Variants in FBLN1 observed in about 807,000 individuals in gnomAD.
FBLN1 encodes the protein fibulin-1.
In FBLN1, 34 loss-of-function variants were observed where a neutral mutation model predicts 89.7. The ratio of observed to expected loss-of-function variants is 0.38; its 90% CI spans 0.29 to 0.50. FBLN1 has a LOEUF of 0.50. Among genes scored for constraint, FBLN1 ranks in the 20% least tolerant of loss-of-function variants. The pLI is 0.92. For missense variants in FBLN1, 777 were observed against 988.1 expected (o/e 0.79, Z 2.86); for synonymous variants, 393 against 391.3 (o/e 1.00, Z -0.05).
Position 45,575,980 on chromosome 22 carries a change from G to A in FBLN1, c.1841-997G>A, listed in dbSNP as rs2088993603. On this transcript the variant is annotated intron_variant, in intron 15 of 16. Transcript: ENST00000327858. This position sits in a 1 kb window ranked among gnomAD's most constrained non-coding sequence, Gnocchi z 6.3. ...GGGGTCCTCCCACCCTCTCAGGGGA[G>A]GCATGCAACGGAGCCAGCCGCGAGG... 6.6e-6 allele frequency among the ~76,000 whole-genome samples: 1 copy of A among 152,174 alleles called. No homozygotes were observed. Among genetic ancestry groups the A allele is most frequent in the Non-Finnish European group, 1.5e-5 (1 of 68,012 alleles).
At position 45,564,264 on chromosome 22, in the gene FBLN1, G is replaced by A. The variant is rs566644955; in HGVS notation, c.1698-10247G>A. On this transcript the variant is annotated intron_variant, in intron 14 of 16. Transcript: ENST00000327858. ...TCTGTCCCCCTCTGCTGCTCCCAGC[G>A]TCCATTCACCTCCCCTACAGCTCAT... is the stretch of plus-strand genomic sequence containing the variant. Among the ~76,000 whole-genome samples, 22 of 152,282 alleles carry A rather than the reference G, an allele frequency of 1.4e-4. No individual in the cohort carries two copies. In the South Asian group the frequency reaches 3.3e-3, roughly 23 times the overall value.
chr22:45,596,886 TTA>T (rs1264421837), intron 16 of FBLN1, among the ~76,000 whole-genome samples: 2 of 148,278 alleles, frequency 1.3e-5, no homozygotes, highest in Non-Finnish European at 3.0e-5. Context: ...TAAAATACAG[TTA>T]TATAAATTTG....
At chr22:45,587,593 C>A (rs137894321) in intron 16 of FBLN1, among the ~76,000 whole-genome samples, 1 of 152,176 alleles carries the variant, frequency 6.6e-6, no homozygotes, top group African/African-American at 2.4e-5. Context: ...GGGGGCCCAG[C>A]GCTCAGGGAT....
At chr22:45,565,391 C>A in intron 14 of FBLN1, 1 of 825,598 alleles carries the variant, frequency 1.2e-6, no homozygotes, top group Non-Finnish European at 1.6e-6. Flanking sequence ...GGGAGGCTTG[C>A]CCTTCCCTGA....
intron 1 of FBLN1, among the ~76,000 whole-genome samples, chr22:45,505,426 G>A (rs949346836): frequency 6.6e-6 from 1 of 152,238 alleles, no homozygotes; most frequent in Non-Finnish European, 1.5e-5. Context: ...GAGACTCTGT[G>A]CCATGGGGGT....
Position 45,600,644 on chromosome 22 carries a change from C to T in FBLN1, c.*198C>T, listed in dbSNP as rs1196547254. ...GGTGTTTAAAAAATGAGCCCAGTTG[C>T]TCAACTGTTTGGTTGAAAACCTTGC... On this transcript the variant is annotated 3_prime_UTR_variant, in exon 17 of 17. Transcript: ENST00000327858. 1.5e-6 allele frequency: 1 copy of T among 669,284 alleles called. No homozygotes were observed. Among genetic ancestry groups the T allele is most frequent in the East Asian group, 2.8e-5 (1 of 35,910 alleles). The allele number at this position is 669,284 out of a possible 1,614,324, so 41.5% of individuals were successfully genotyped here. A position where few individuals can be genotyped will look rare whatever the true frequency, so the allele number is the denominator to read the frequency against.
chr22:45,546,997 G>C, intron 11 of FBLN1, 88 bp from the exon 12 acceptor site: 8 of 1,595,540 alleles, frequency 5.0e-6, no homozygotes, highest in Non-Finnish European at 6.9e-6. Context: ...GAGGTGGAGA[G>C]GAGATTTTCT....
intron 14 of FBLN1, among the ~76,000 whole-genome samples, chr22:45,564,040 G>A (rs1419871672): frequency 6.6e-6 from 1 of 152,200 alleles, no homozygotes; most frequent in Non-Finnish European, 1.5e-5. Flanking sequence ...CCTTACACCA[G>A]TCCTGCCAGG....
At chr22:45,517,174 T>C (rs1666097091) in intron 1 of FBLN1, among the ~76,000 whole-genome samples, 1 of 152,196 alleles carries the variant, frequency 6.6e-6, no homozygotes, top group African/African-American at 2.4e-5. Context: ...CAGTTGTGTG[T>C]GCGGAAACGC....
intron 1 of FBLN1, among the ~76,000 whole-genome samples, chr22:45,509,585 A>G (rs2088070728): frequency 6.6e-6 from 1 of 152,216 alleles, no homozygotes; most frequent in African/African-American, 2.4e-5. Context: ...ATGCAGGGAC[A>G]TAGGCCAATC....
intron 10 of FBLN1, among the ~76,000 whole-genome samples, chr22:45,543,087 C>T (rs184792729): frequency 4.6e-5 from 7 of 152,218 alleles, no homozygotes; most frequent in Non-Finnish European, 8.8e-5. Flanking sequence ...GCCAACATGA[C>T]GAAACCTCAT....
Position 45,575,626 on chromosome 22 carries a change from C to CCAGT in FBLN1, c.1840+978_1840+981dup, listed in dbSNP as rs918162703. On this transcript the variant is annotated intron_variant, in intron 15 of 16. Transcript: ENST00000327858. This position sits in a 1 kb window ranked among gnomAD's most constrained non-coding sequence, Gnocchi z 6.3. The stretch of plus-strand genomic sequence containing the variant: ...GGGGAGCAGGAAGCTCAGGTGTAAC[C>CCAGT]CAGTCAGTGCTCCCACACCCCAGCC... Among the ~76,000 whole-genome samples, 2 of 152,094 alleles carry CCAGT rather than the reference C, an allele frequency of 1.3e-5. No homozygotes were observed. Among genetic ancestry groups the CCAGT allele is most frequent in the African/African-American group, 4.8e-5 (2 of 41,380 alleles).
At chr22:45,519,604 A>T (rs2088220540) in intron 2 of FBLN1, among the ~76,000 whole-genome samples, 1 of 148,458 alleles carries the variant, frequency 6.7e-6, no homozygotes, top group Non-Finnish European at 1.5e-5. Context: ...AGTCTGGGCA[A>T]CAACAGCGAA....
intron 14 of FBLN1, chr22:45,564,976 C>G: frequency 6.2e-7 from 1 of 1,613,940 alleles, no homozygotes; most frequent in Non-Finnish European, 8.5e-7. Flanking sequence ...TTGGAGGATA[C>G]CCACCTTGAT....
At chr22:45,516,972 A>C (rs2088178033) in intron 1 of FBLN1, among the ~76,000 whole-genome samples, 1 of 152,206 alleles carries the variant, frequency 6.6e-6, no homozygotes, top group Non-Finnish European at 1.5e-5. Flanking sequence ...ATGTTTCTGC[A>C]AGTTTCCCCT....
At position 45,597,048 on chromosome 22, in the gene FBLN1, C is replaced by CT. The variant is rs2089193736; in HGVS notation, c.1973-3258dup. Among the ~76,000 whole-genome samples the CT allele has an allele frequency of 1.3e-5, 2 of 151,906 alleles. No individual in the cohort carries two copies. Among genetic ancestry groups the CT allele is most frequent in the South Asian group, 4.1e-4 (2 of 4,820 alleles). On this transcript the variant is annotated intron_variant, in intron 16 of 16. Coordinates refer to ENST00000327858, the MANE Select transcript of FBLN1 (RefSeq NM_006486.3). This position sits in a 1 kb window ranked among gnomAD's most constrained non-coding sequence, Gnocchi z 4.2. ...ACAGGATCTTGCTCTGTCACCCAGG[C>CT]TAGAATGCAGTGGCACAATCTTGGC...
chr22:45,562,950 G>A lies in FBLN1; in HGVS notation c.1698-11561G>A, dbSNP rs1569257761. The stretch of plus-strand genomic sequence containing the variant: ...TTGCCTTGCCATGAGAATCGGGAGT[G>A]CTCCAAGCTGCCTCTGAGAATAACC... On this transcript the variant is annotated intron_variant, in intron 14 of 16. Coordinates refer to ENST00000327858, the MANE Select transcript of FBLN1 (RefSeq NM_006486.3). The surrounding 1 kb of genome is among the most constrained non-coding windows in gnomAD (Gnocchi z 7.8). 2 of 1,614,066 alleles carry A rather than the reference G, an allele frequency of 1.2e-6. No individual in the cohort carries two copies. The highest frequency in any genetic ancestry group is 1.7e-6 in the Non-Finnish European group (2 of 1,180,028).
chr22:45,578,413 A>C lies in FBLN1; in HGVS notation c.1972+1305A>C, dbSNP rs1245382518. The C allele has an allele frequency of 6.6e-6, 1 of 152,140 alleles. No individual in the cohort carries two copies. Among genetic ancestry groups the C allele is most frequent in the Non-Finnish European group, 1.5e-5 (1 of 68,034 alleles). 9.4% of individuals were successfully genotyped at this position (152,140 alleles called of 1,614,324 possible). On this transcript the variant is annotated intron_variant, in intron 16 of 16. Transcript: ENST00000327858. This position sits in a 1 kb window ranked among gnomAD's most constrained non-coding sequence, Gnocchi z 4.6. ...TAGCTGGCAGCAGGAATAATTAGTT[A>C]ATTACAATTAATGGTGCATTAGCCC... is the stretch of plus-strand genomic sequence containing the variant.
chr22:45,527,786 C>T (rs1040500923), intron 3 of FBLN1, 61 bp from the exon 4 acceptor site: 70 of 1,598,866 alleles, frequency 4.4e-5, no homozygotes, highest in Middle Eastern at 2.2e-4. Context: ...TGAGGCCTCT[C>T]GTGGACCCCG....
Sources: allele counts gnomAD v4.1 joint callset (sites outside exome capture counted in the v4.1 genomes callset), GRCh38; gene constraint gnomAD v4.1.1; non-coding constraint Gnocchi (gnomAD v3.1); transcripts MANE v1.5; gene names NCBI Gene and HGNC (gene_info 2026-07-23, HGNC 2026-07-21).